Variants in CNTN5 observed in about 807,000 individuals in gnomAD.
CNTN5 encodes contactin-5.
In CNTN5, 77 loss-of-function variants were observed where a neutral mutation model predicts 129.1. That is an observed-to-expected ratio of 0.60 (90% CI 0.50 to 0.72). The LOEUF (loss-of-function observed/expected upper bound fraction) is 0.72, where lower values mean the gene tolerates loss of function less well. Ranked by LOEUF, CNTN5 falls within the 30% of genes least tolerant of loss-of-function variation. CNTN5 has a pLI of 0.00. For synonymous variants in CNTN5, 509 were observed against 465.6 expected, an observed-to-expected ratio of 1.09 and a Z score of -1.20; for missense variants, 1,478 against 1,328.8, an observed-to-expected ratio of 1.11 and a Z score of -1.75.
At chr11:99,918,537 G>A (rs1342132499) in intron 7 of CNTN5, among the ~76,000 whole-genome samples, 2 of 151,894 alleles carry the variant, frequency 1.3e-5, no homozygotes, top group African/African-American at 2.4e-5. Flanking sequence ...ATCCTATTAC[G>A]TTGTGAAAGA....
intron 2 of CNTN5, among the ~76,000 whole-genome samples, chr11:99,345,751 C>T (rs749788925): frequency 4.6e-5 from 7 of 152,132 alleles, no homozygotes; most frequent in African/African-American, 7.2e-5. Flanking sequence ...TGTTGCTATG[C>T]ATATGTAAAT....
At chr11:100,296,583 A>G (rs1475260962) in intron 18 of CNTN5, among the ~76,000 whole-genome samples, 1 of 151,556 alleles carries the variant, frequency 6.6e-6, no homozygotes, top group African/African-American at 2.4e-5. Flanking sequence ...AACGATACTG[A>G]AACGTAGACC....
chr11:99,415,752 A>G (rs1386737753), intron 2 of CNTN5, among the ~76,000 whole-genome samples: 2 of 152,130 alleles, frequency 1.3e-5, no homozygotes, highest in African/African-American at 4.8e-5. Context: ...CACCACCAAA[A>G]TGTGAACTAA....
chr11:99,062,289 G>T (rs960407717), intron 1 of CNTN5, among the ~76,000 whole-genome samples: 1 of 152,038 alleles, frequency 6.6e-6, no homozygotes, highest in African/African-American at 2.4e-5. Context: ...AATCCAAAAG[G>T]GACAATTATA....
At chr11:99,623,803 T>C (rs1308734008) in intron 3 of CNTN5, among the ~76,000 whole-genome samples, 1 of 151,900 alleles carries the variant, frequency 6.6e-6, no homozygotes, top group Non-Finnish European at 1.5e-5. Context: ...TTTGTACTGA[T>C]ATATACTATT....
At chr11:99,345,443 C>G (rs1400254995) in intron 2 of CNTN5, among the ~76,000 whole-genome samples, 2 of 152,104 alleles carry the variant, frequency 1.3e-5, no homozygotes, top group Non-Finnish European at 2.9e-5. Context: ...ATAAATATAT[C>G]CAAACCAAAA....
At chr11:100,024,510 T>C (rs1941312510) in intron 9 of CNTN5, among the ~76,000 whole-genome samples, 1 of 151,866 alleles carries the variant, frequency 6.6e-6, no homozygotes, top group Admixed American at 6.6e-5. Flanking sequence ...GTTGGAACAG[T>C]TTGGAGGGCT....
chr11:99,799,705 CT>C (rs972523470), intron 3 of CNTN5, among the ~76,000 whole-genome samples: 1 of 151,822 alleles, frequency 6.6e-6, no homozygotes, highest in Admixed American at 6.6e-5. Flanking sequence ...ATGTAATTTT[CT>C]TTTTTTGTTG....
chr11:99,776,905 CA>C (rs1483997507), intron 3 of CNTN5, among the ~76,000 whole-genome samples: 1 of 151,912 alleles, frequency 6.6e-6, no homozygotes, highest in Non-Finnish European at 1.5e-5. Flanking sequence ...GGACCAGCCC[CA>C]GCTCCAATGT....
intron 1 of CNTN5, among the ~76,000 whole-genome samples, chr11:99,063,249 C>A (rs1049908384): frequency 1.3e-5 from 2 of 152,082 alleles, no homozygotes; most frequent in African/African-American, 4.8e-5. Context: ...TACATGGCAT[C>A]ATTAGTTCGA....
At chr11:99,627,158 C>A (rs1367983356) in intron 3 of CNTN5, among the ~76,000 whole-genome samples, 2 of 151,980 alleles carry the variant, frequency 1.3e-5, no homozygotes, top group East Asian at 3.9e-4. Context: ...TTGTTGGTGC[C>A]CACACTCCAT....
chr11:99,400,707 G>A (rs968213105), intron 2 of CNTN5, among the ~76,000 whole-genome samples: 24 of 152,026 alleles, frequency 1.6e-4, no homozygotes, highest in African/African-American at 5.1e-4. Context: ...TAGCATACAA[G>A]GGTTGCCTTT....
At chr11:100,117,870 T>G (rs1026431588) in intron 13 of CNTN5, among the ~76,000 whole-genome samples, 2 of 151,888 alleles carry the variant, frequency 1.3e-5, no homozygotes, top group East Asian at 3.9e-4. Context: ...ACTTCTCCAC[T>G]ACGGCATTAA....
chr11:99,201,333 CTTCCTTCCTTCCTTTCCT>C (rs1432124188), intron 1 of CNTN5, among the ~76,000 whole-genome samples: 1 of 80,224 alleles, frequency 1.2e-5, no homozygotes, highest in Non-Finnish European at 2.3e-5. Context: ...CCCTTCCTTC[CTTCCTTCCTTCCTTTCCT>C]TTCCTTCCTT....
chr11:99,849,190 T>C (rs1947796545), intron 6 of CNTN5, among the ~76,000 whole-genome samples: 1 of 151,632 alleles, frequency 6.6e-6, no homozygotes, highest in Non-Finnish European at 1.5e-5. Flanking sequence ...ACAATTATTA[T>C]ACATATTTAT....
chr11:99,216,705 G>C (rs892334624), intron 1 of CNTN5, among the ~76,000 whole-genome samples: 2 of 152,064 alleles, frequency 1.3e-5, no homozygotes, highest in Non-Finnish European at 2.9e-5. Context: ...AAACACTCCA[G>C]GACATTGGTC....
intron 1 of CNTN5, among the ~76,000 whole-genome samples, chr11:99,295,452 T>C (rs951558716): frequency 9.9e-5 from 15 of 152,260 alleles, no homozygotes; most frequent in Admixed American, 9.2e-4. Flanking sequence ...GAACCTATTA[T>C]GAGTGAGACA....
intron 6 of CNTN5, among the ~76,000 whole-genome samples, chr11:99,868,624 G>C (rs1368677932): frequency 6.6e-6 from 1 of 152,190 alleles, no homozygotes; most frequent in Non-Finnish European, 1.5e-5. Flanking sequence ...AGTGCATCCA[G>C]CATGTTGTCA....
intron 18 of CNTN5, among the ~76,000 whole-genome samples, chr11:100,288,086 A>C (rs1227424785): frequency 2.0e-5 from 3 of 152,152 alleles, no homozygotes; most frequent in Non-Finnish European, 4.4e-5. Flanking sequence ...CACCCAATAC[A>C]GGAGCACCCA....
Sources: gnomAD v4.1 joint callset for allele counts (sites outside exome capture counted in the v4.1 genomes callset) on GRCh38, gnomAD v4.1.1 for gene constraint, MANE v1.5 for transcripts, NCBI Gene and HGNC (gene_info 2026-07-23, HGNC 2026-07-21) for gene names.